MEGF11: variants seen among roughly 807,000 people sequenced by gnomAD.
MEGF11 encodes the protein multiple epidermal growth factor-like domains protein 11.
Under a neutral mutation model 146.6 loss-of-function variants are expected in MEGF11, and 126 were observed. The ratio of observed to expected loss-of-function variants is 0.86; its 90% CI spans 0.74 to 1.00. The LOEUF is 1.00. Among genes scored for constraint, MEGF11 ranks in the 50% least tolerant of loss-of-function variants. The pLI is 0.00. For synonymous variants in MEGF11, 532 were observed against 583.4 expected (o/e 0.91, Z 1.27); for missense variants, 1,509 against 1,521.2 (o/e 0.99, Z 0.13).
chr15:66,196,038 G>C (rs2091001511), intron 1 of MEGF11, among the ~76,000 whole-genome samples: 1 of 152,208 alleles, frequency 6.6e-6, no homozygotes, highest in Admixed American at 6.5e-5. Flanking sequence ...GAAACAGTAT[G>C]TGCAAAGGCC....
Position 65,982,166 on chromosome 15 carries a change from T to C in MEGF11, c.641+76A>G. On this transcript the variant is annotated intron_variant, in intron 6 of 25. Transcript: ENST00000395614. This position sits in a 1 kb window ranked among gnomAD's most constrained non-coding sequence, Gnocchi z 5.6. ...CCCGCCCCAGCCCCTCCACCTCCTC[T>C]ACCCTCCCCACCCAGGCACCCTCCA... 4 of 1,094,066 alleles carry C rather than the reference T, an allele frequency of 3.7e-6. No homozygotes were observed. Among genetic ancestry groups the C allele is most frequent in the South Asian group, 3.0e-5 (2 of 65,826 alleles). 67.8% of individuals were successfully genotyped at this position (1,094,066 alleles called of 1,614,324 possible). A position where few individuals can be genotyped will look rare whatever the true frequency, so the allele number is the denominator to read the frequency against.
At chr15:65,983,398 C>T (rs1017410915) in intron 5 of MEGF11, among the ~76,000 whole-genome samples, 1 of 152,176 alleles carries the variant, frequency 6.6e-6, no homozygotes, top group African/African-American at 2.4e-5. Flanking sequence ...CCACTCTGAC[C>T]CTCCCCGATG....
At chr15:66,120,544 G>A (rs952286369) in intron 3 of MEGF11, among the ~76,000 whole-genome samples, 2 of 152,198 alleles carry the variant, frequency 1.3e-5, no homozygotes, top group Non-Finnish European at 2.9e-5. Flanking sequence ...AGAGAGTCCT[G>A]TAATACAGGC....
chr15:66,141,458 T>G (rs537723645), intron 1 of MEGF11, among the ~76,000 whole-genome samples: 1 of 151,926 alleles, frequency 6.6e-6, no homozygotes, highest in Non-Finnish European at 1.5e-5. Context: ...TGTGTGACCT[T>G]GGGTAGGAGG....
chr15:66,123,987 C>G lies in MEGF11; in HGVS notation c.112G>C (p.Val38Leu), dbSNP rs566043218. ...AAGGGGTGTGCATACGATTCCTGGA[C>G]AGTCACAGCATAGCTGAGAACCAGA... ...CSHWESYAVTVQESYAHPFDQ... is the reference protein window; with the variant it reads ...CSHWESYAVTLQESYAHPFDQ... The change falls in exon 3 of 26, where the codon GTC becomes CTC. Residue 38 changes from valine to leucine, a missense_variant. Transcript: ENST00000395614. The G allele has an allele frequency of 6.2e-6, 10 of 1,613,808 alleles. No homozygotes were observed. Among genetic ancestry groups the G allele is most frequent in the Non-Finnish European group, 7.6e-6 (9 of 1,179,706 alleles).
At chr15:66,196,204 G>T (rs190919391) in intron 1 of MEGF11, among the ~76,000 whole-genome samples, 1 of 152,158 alleles carries the variant, frequency 6.6e-6, no homozygotes, top group Non-Finnish European at 1.5e-5. Context: ...AGGCGTGGTG[G>T]CTCATGCCTA....
chr15:66,059,088 C>G (rs906684013), intron 5 of MEGF11, among the ~76,000 whole-genome samples: 7 of 152,186 alleles, frequency 4.6e-5, no homozygotes, highest in Non-Finnish European at 1.0e-4. Flanking sequence ...GGAACATCCC[C>G]CCTAGTTACC....
At chr15:66,122,593 C>T (rs2088087690) in intron 3 of MEGF11, among the ~76,000 whole-genome samples, 1 of 152,200 alleles carries the variant, frequency 6.6e-6, no homozygotes. Context: ...GGGTCTCTCC[C>T]TTACTACCTT....
intron 5 of MEGF11, among the ~76,000 whole-genome samples, chr15:66,076,413 A>T (rs2085585565): frequency 6.6e-6 from 1 of 152,064 alleles, no homozygotes; most frequent in Admixed American, 6.5e-5. Flanking sequence ...GGGCTGAATT[A>T]TTCTGGCCAT....
chr15:66,196,561 A>G (rs1034063550), intron 1 of MEGF11, among the ~76,000 whole-genome samples: 1 of 152,198 alleles, frequency 6.6e-6, no homozygotes, highest in Non-Finnish European at 1.5e-5. Context: ...AGGGGTAGGA[A>G]GAGACCTGTA....
At chr15:65,996,807 T>C (rs536155254) in intron 5 of MEGF11, among the ~76,000 whole-genome samples, 21 of 152,266 alleles carry the variant, frequency 1.4e-4, no homozygotes, top group African/African-American at 5.1e-4. Context: ...CCACAGCACC[T>C]CTATGCTGAC....
At chr15:66,044,222 C>T (rs939422381) in intron 5 of MEGF11, among the ~76,000 whole-genome samples, 1 of 152,100 alleles carries the variant, frequency 6.6e-6, no homozygotes, top group Non-Finnish European at 1.5e-5. Context: ...CGAATCCCAT[C>T]CATAAATTAG....
At chr15:66,185,722 T>C (rs1186428914) in intron 1 of MEGF11, among the ~76,000 whole-genome samples, 1 of 152,136 alleles carries the variant, frequency 6.6e-6, no homozygotes, top group Non-Finnish European at 1.5e-5. Context: ...CAGGGGGCAG[T>C]GGGTCAGATG....
In MEGF11 at chr15:65,980,842, G is replaced by C; in HGVS notation, c.698C>G (p.Pro233Arg). 1 of 1,599,678 alleles carries C rather than the reference G, an allele frequency of 6.3e-7. No homozygotes were observed. The highest frequency in any genetic ancestry group is 8.5e-7 in the Non-Finnish European group (1 of 1,173,838). ...SHGAHCELRC[P>R]CQNGGTCHHI... ...GTGGCAGGTGCCCCCATTCTGACAG[G>C]GGCAGCGCAGCTCACAGTGAGCTCC... Residue 233 changes from proline (P) to arginine (R), a missense_variant, in exon 7 of 26, where the codon CCC becomes CGC. Transcript: ENST00000395614.
chr15:66,101,886 A>G (rs2086824574), intron 4 of MEGF11, among the ~76,000 whole-genome samples: 1 of 152,194 alleles, frequency 6.6e-6, no homozygotes, highest in African/African-American at 2.4e-5. Context: ...CCCAGTCTGA[A>G]GCCCTGGGGG....
chr15:66,231,317 C>T (rs759811573), intron 1 of MEGF11, among the ~76,000 whole-genome samples: 1 of 151,858 alleles, frequency 6.6e-6, no homozygotes, highest in Non-Finnish European at 1.5e-5. Flanking sequence ...GATGAACCCC[C>T]CTGAGGGCTG....
At chr15:66,239,424 T>C (rs1050978792) in intron 1 of MEGF11, among the ~76,000 whole-genome samples, 3 of 152,200 alleles carry the variant, frequency 2.0e-5, no homozygotes, top group African/African-American at 7.2e-5. Flanking sequence ...GACTCCCCCC[T>C]GCCTACAGGG....
intron 4 of MEGF11, among the ~76,000 whole-genome samples, chr15:66,102,602 GT>G (rs34781176): frequency 6.6e-6 from 1 of 151,066 alleles, no homozygotes; most frequent in Non-Finnish European, 1.5e-5. Context: ...AATTAAAAAA[GT>G]TTTTTTTGTA....
intron 1 of MEGF11, among the ~76,000 whole-genome samples, chr15:66,241,660 C>A (rs963885950): frequency 6.6e-6 from 1 of 152,140 alleles, no homozygotes; most frequent in African/African-American, 2.4e-5. Context: ...AGGTCCAGGG[C>A]TCCTGTGCAC....
Sources: gnomAD v4.1 joint callset for allele counts (sites outside exome capture counted in the v4.1 genomes callset) on GRCh38, gnomAD v4.1.1 for gene constraint, Gnocchi (gnomAD v3.1) non-coding constraint, MANE v1.5 for transcripts, NCBI Gene and HGNC (gene_info 2026-07-23, HGNC 2026-07-21) for gene names.